The following ADGRE3 variants were observed in gnomAD, a reference collection of about 807,000 sequenced individuals.
The protein encoded by ADGRE3 is adhesion G protein-coupled receptor E3.
In ADGRE3, 88 loss-of-function variants were observed where a neutral mutation model predicts 80.1. That is an observed-to-expected ratio of 1.10 (90% CI 0.93 to 1.31). The LOEUF is 1.31. Ranked by LOEUF, ADGRE3 falls within the 40% of genes most tolerant of loss-of-function variation. ADGRE3 has a pLI of 0.00. For missense variants in ADGRE3, 715 were observed against 776.5 expected (o/e 0.92, Z 0.94); for synonymous variants, 281 against 294.8 (o/e 0.95, Z 0.48).
chr19:14,665,015 C>T (rs1355325870), intron 2 of ADGRE3, among the ~76,000 whole-genome samples: 1 of 149,156 alleles, frequency 6.7e-6, no homozygotes, highest in Non-Finnish European at 1.5e-5. Context: ...AAAATTTTGC[C>T]TGAGAATTTT....
chr19:14,668,660 A>C (rs1328040537), intron 2 of ADGRE3, 142 bp downstream of exon 2: 1 of 596,964 alleles, frequency 1.7e-6, no homozygotes, highest in Admixed American at 3.1e-5. Context: ...AAATTAAGCA[A>C]ACAAATAATG....
chr19:14,649,286 C>T (rs1410523049), intron 7 of ADGRE3, among the ~76,000 whole-genome samples: 1 of 148,312 alleles, frequency 6.7e-6, no homozygotes, highest in Non-Finnish European at 1.5e-5. Context: ...ATCTCTCCAT[C>T]TCGCTTTTGA....
chr19:14,625,218 G>A (rs1480633476), intron 15 of ADGRE3, among the ~76,000 whole-genome samples: 1 of 152,144 alleles, frequency 6.6e-6, no homozygotes, highest in Non-Finnish European at 1.5e-5. Context: ...GACCTCAGGT[G>A]ATGCACCCAC....
chr19:14,665,945 T>TACATAC (rs1972088386), intron 2 of ADGRE3, among the ~76,000 whole-genome samples: 1 of 26,914 alleles, frequency 3.7e-5, no homozygotes, highest in African/African-American at 1.1e-4. Flanking sequence ...TGTATATATA[T>TACATAC]ATATATATAT....
chr19:14,610,429 G>C, the ADGRE3 span: 1 of 550,850 alleles, frequency 1.8e-6, no homozygotes, highest in African/African-American at 1.9e-5. Flanking sequence ...AGAGCTTGGT[G>C]GTGGGAGGTC....
At chr19:14,651,462 A>T (rs1215100759) in intron 6 of ADGRE3, among the ~76,000 whole-genome samples, 2 of 152,224 alleles carry the variant, frequency 1.3e-5, no homozygotes, top group Non-Finnish European at 2.9e-5. Flanking sequence ...TAAGAGTCTT[A>T]CACATGTCAC....
At chr19:14,628,647 C>G (rs552585886) in intron 14 of ADGRE3, 7 of 335,196 alleles carry the variant, frequency 2.1e-5, no homozygotes, top group African/African-American at 8.8e-5. Flanking sequence ...AGTTCAAGAC[C>G]TCATCATGCC....
chr19:14,645,381 G>C (rs1453813628), intron 8 of ADGRE3, among the ~76,000 whole-genome samples: 2 of 152,090 alleles, frequency 1.3e-5, no homozygotes, highest in Non-Finnish European at 2.9e-5. Flanking sequence ...CTTTGAAGCC[G>C]GGCACAGTGG....
chr19:14,649,157 T>TCTCTCTCCCCATCTCTCTCTTTCCAC (rs1971505742), intron 7 of ADGRE3, among the ~76,000 whole-genome samples: 1 of 148,156 alleles, frequency 6.7e-6, no homozygotes, highest in Non-Finnish European at 1.5e-5. Context: ...TCTCTTTCCA[T>TCTCTCTCCCCATCTCTCTCTTTCCAC]CTCTCTCCCC....
At chr19:14,667,679 G>A (rs926972916) in intron 2 of ADGRE3, among the ~76,000 whole-genome samples, 4 of 152,126 alleles carry the variant, frequency 2.6e-5, no homozygotes, top group African/African-American at 9.7e-5. Context: ...ATCACACCCA[G>A]GGGGTGGGGG....
chr19:14,635,409 AT>A (rs1253660919), intron 11 of ADGRE3, among the ~76,000 whole-genome samples: 4,890 of 120,524 alleles, frequency 0.041, 79 homozygotes, highest in Admixed American at 0.052. Flanking sequence ...CTGGTCTTCC[AT>A]TTTTTTTTTT....
chr19:14,672,058 A>C (rs1972273014), intron 1 of ADGRE3, among the ~76,000 whole-genome samples: 1 of 152,158 alleles, frequency 6.6e-6, no homozygotes, highest in African/African-American at 2.4e-5. Flanking sequence ...TTGTATATAC[A>C]TGAATGTGTA....
the ADGRE3 span, among the ~76,000 whole-genome samples, chr19:14,604,085 C>G: frequency 6.4e-4 from 97 of 152,290 alleles, no homozygotes; most frequent in Middle Eastern, 0.01. Flanking sequence ...CTCCTCCTAT[C>G]CCATTCTGGG....
Position 14,663,520 on chromosome 19 carries a change from G to T in ADGRE3, c.97C>A (p.Pro33Thr), listed in dbSNP as rs1311980957. The T allele has an allele frequency of 1.3e-5, 21 of 1,613,218 alleles. No homozygotes were observed. The highest frequency in any genetic ancestry group is 1.8e-5 in the Non-Finnish European group (21 of 1,179,418). ...KTKTSCAKCP[P>T]NASCVNNTHC... ...GTGTTATTGACACAGGAAGCATTTG[G>T]GGGGCACTTAGCACAGGAAGCTGCA... Residue 33 changes from proline to threonine, a missense_variant, in exon 3 of 16, where the codon CCA becomes ACA. Coordinates refer to ENST00000253673, the MANE Select transcript of ADGRE3 (RefSeq NM_032571.5).
chr19:14,603,280 G>T, the ADGRE3 span, among the ~76,000 whole-genome samples: 2 of 152,212 alleles, frequency 1.3e-5, no homozygotes, highest in African/African-American at 4.8e-5. Context: ...CACACATCGG[G>T]TCTTTGCTGT....
chr19:14,654,287 G>C (rs779667204), intron 6 of ADGRE3, among the ~76,000 whole-genome samples: 1 of 148,880 alleles, frequency 6.7e-6, no homozygotes, highest in Non-Finnish European at 1.5e-5. Flanking sequence ...TAATGAGACA[G>C]GTTCTTGTTC....
intron 15 of ADGRE3, among the ~76,000 whole-genome samples, chr19:14,623,669 G>A (rs956764127): frequency 2.0e-5 from 3 of 152,112 alleles, no homozygotes; most frequent in Non-Finnish European, 2.9e-5. Flanking sequence ...ATGGCGTACC[G>A]TCACTCTGTG....
intron 2 of ADGRE3, among the ~76,000 whole-genome samples, chr19:14,667,152 T>C (rs1423538784): frequency 6.6e-6 from 1 of 152,056 alleles, no homozygotes; most frequent in Non-Finnish European, 1.5e-5. Flanking sequence ...TGCTGTTGTC[T>C]GGGGGAGGCT....
intron 3 of ADGRE3, among the ~76,000 whole-genome samples, chr19:14,663,203 A>C (rs1185047740): frequency 6.6e-6 from 1 of 151,718 alleles, no homozygotes; most frequent in Non-Finnish European, 1.5e-5. Context: ...GGGTTTTGTC[A>C]TGTTGGCCAG....
Sources: gnomAD v4.1 joint callset for allele counts (sites outside exome capture counted in the v4.1 genomes callset) on GRCh38, gnomAD v4.1.1 for gene constraint, MANE v1.5 for transcripts, NCBI Gene and HGNC (gene_info 2026-07-23, HGNC 2026-07-21) for gene names.